Variants in LRRC4C observed in about 807,000 individuals in gnomAD.
LRRC4C encodes the protein leucine-rich repeat-containing protein 4C.
LRRC4C carries 5 observed loss-of-function variants against 33.6 expected under a neutral mutation model. The observed-to-expected ratio is 0.15, with a 90% CI of 0.08 to 0.31. The LOEUF (loss-of-function observed/expected upper bound fraction) is 0.31. Among genes scored for constraint, LRRC4C ranks in the 10% least tolerant of loss-of-function variants. The probability of loss-of-function intolerance (pLI) is 1.00; values close to 1 mark genes in which losing one functional copy is unlikely to be tolerated. For missense variants in LRRC4C, 560 were observed against 796.7 expected, an observed-to-expected ratio of 0.70 and a Z score of 3.58; for synonymous variants, 329 against 302.0, an observed-to-expected ratio of 1.09 and a Z score of -0.93.
At chr11:41,406,527 CA>C (rs778551198) in intron 1 of LRRC4C, among the ~76,000 whole-genome samples, 53 of 152,034 alleles carry the variant, frequency 3.5e-4, no homozygotes, top group Non-Finnish European at 2.4e-4. Flanking sequence ...ACGCAATGTA[CA>C]ATCTGAAGAA....
At chr11:40,404,344 G>T (rs1291778903) in intron 3 of LRRC4C, among the ~76,000 whole-genome samples, 2 of 152,066 alleles carry the variant, frequency 1.3e-5, no homozygotes, top group African/African-American at 4.8e-5. Flanking sequence ...CTAAATAAAG[G>T]TTTGTTATTT....
chr11:41,103,950 C>T (rs1183338054), intron 1 of LRRC4C, among the ~76,000 whole-genome samples: 1 of 151,760 alleles, frequency 6.6e-6, no homozygotes, highest in Non-Finnish European at 1.5e-5. Context: ...AAGGTAGACC[C>T]CTACTTCAAA....
intron 1 of LRRC4C, among the ~76,000 whole-genome samples, chr11:40,940,442 T>G (rs1214947596): frequency 6.6e-6 from 1 of 152,148 alleles, no homozygotes; most frequent in African/African-American, 2.4e-5. Flanking sequence ...TAGAGATATT[T>G]CTTCACTCTG....
chr11:40,722,797 T>C (rs1253804792), intron 2 of LRRC4C, among the ~76,000 whole-genome samples: 1 of 152,156 alleles, frequency 6.6e-6, no homozygotes, highest in Non-Finnish European at 1.5e-5. Context: ...TTCAGAATCT[T>C]GATGGCAAGG....
chr11:40,871,320 C>T (rs999485789), intron 2 of LRRC4C, among the ~76,000 whole-genome samples: 1 of 152,054 alleles, frequency 6.6e-6, no homozygotes, highest in Non-Finnish European at 1.5e-5. Context: ...ACACTCCCTC[C>T]CCTTTTGAAA....
chr11:41,301,018 A>C (rs1044833156), intron 1 of LRRC4C, among the ~76,000 whole-genome samples: 1 of 152,186 alleles, frequency 6.6e-6, no homozygotes, highest in Non-Finnish European at 1.5e-5. Flanking sequence ...TTTTGTTTGG[A>C]TATTAAAACA....
chr11:41,036,317 A>G (rs1180430096), intron 1 of LRRC4C, among the ~76,000 whole-genome samples: 1 of 152,208 alleles, frequency 6.6e-6, no homozygotes, highest in Non-Finnish European at 1.5e-5. Context: ...TCAAGGCATT[A>G]TAGCAGATAA....
At chr11:40,811,643 A>G (rs1403642917) in intron 2 of LRRC4C, among the ~76,000 whole-genome samples, 3 of 152,074 alleles carry the variant, frequency 2.0e-5, no homozygotes, top group Admixed American at 2.0e-4. Flanking sequence ...GACTACAGGC[A>G]CACACCACCA....
chr11:40,381,229 GAA>G (rs149263163), intron 3 of LRRC4C, among the ~76,000 whole-genome samples: 6,606 of 132,090 alleles, frequency 0.05, 474 homozygotes, highest in African/African-American at 0.17. Flanking sequence ...ACTTTAAAAT[GAA>G]AAAAAAAAAA....
intron 1 of LRRC4C, among the ~76,000 whole-genome samples, chr11:40,991,311 G>C (rs188067381): frequency 9.9e-5 from 15 of 151,434 alleles, no homozygotes; most frequent in Admixed American, 7.9e-4. Flanking sequence ...GTATAACTCA[G>C]TGAATCAATA....
intron 3 of LRRC4C, among the ~76,000 whole-genome samples, chr11:40,568,521 CACTA>C (rs1218135100): frequency 1.2e-4 from 19 of 152,186 alleles, no homozygotes; most frequent in African/African-American, 2.9e-4. Context: ...TTTCAAATAG[CACTA>C]ACTAAGTAAC....
At chr11:40,677,807 T>C (rs1944478545) in intron 2 of LRRC4C, among the ~76,000 whole-genome samples, 1 of 152,160 alleles carries the variant, frequency 6.6e-6, no homozygotes, top group African/African-American at 2.4e-5. Context: ...TTTGGGGTGA[T>C]TACAAGGACA....
At chr11:41,382,254 T>G (rs1042138065) in intron 1 of LRRC4C, among the ~76,000 whole-genome samples, 58 of 152,168 alleles carry the variant, frequency 3.8e-4, no homozygotes, top group African/African-American at 1.3e-3. Context: ...ATTACACTGA[T>G]AGTCGGCATT....
chr11:40,978,083 A>G (rs192274205), intron 1 of LRRC4C, among the ~76,000 whole-genome samples: 287 of 152,212 alleles, frequency 1.9e-3, no homozygotes, highest in Middle Eastern at 0.014. Context: ...AAATCTTTCC[A>G]TTTCTCTTTC....
At chr11:40,347,943 T>C (rs1343972596) in intron 3 of LRRC4C, among the ~76,000 whole-genome samples, 3 of 152,190 alleles carry the variant, frequency 2.0e-5, no homozygotes, top group East Asian at 3.9e-4. Flanking sequence ...TGTAGGGTTG[T>C]TTATTGGCCT....
chr11:40,684,780 C>T (rs922895842), intron 2 of LRRC4C, among the ~76,000 whole-genome samples: 2 of 151,864 alleles, frequency 1.3e-5, no homozygotes, highest in African/African-American at 4.8e-5. Flanking sequence ...TGACAACAAA[C>T]TTGTTACCAG....
At chr11:40,767,752 T>C (rs1003083405) in intron 2 of LRRC4C, among the ~76,000 whole-genome samples, 7 of 151,340 alleles carry the variant, frequency 4.6e-5, no homozygotes, top group African/African-American at 1.7e-4. Context: ...AAGAAGAAAA[T>C]GGAAAAATTT....
intron 2 of LRRC4C, among the ~76,000 whole-genome samples, chr11:40,900,866 C>T (rs751642013): frequency 6.6e-6 from 1 of 151,872 alleles, no homozygotes; most frequent in Non-Finnish European, 1.5e-5. Context: ...TTTCTCCCTA[C>T]ATTTACTAAG....
intron 2 of LRRC4C, among the ~76,000 whole-genome samples, chr11:40,661,891 C>T (rs1943458517): frequency 6.6e-6 from 1 of 152,214 alleles, no homozygotes; most frequent in Admixed American, 6.5e-5. Flanking sequence ...CAAATATAAG[C>T]AAATCAGAAC....
Sources: allele counts gnomAD v4.1 joint callset (sites outside exome capture counted in the v4.1 genomes callset), GRCh38; gene constraint gnomAD v4.1.1; transcripts MANE v1.5; gene names NCBI Gene and HGNC (gene_info 2026-07-23, HGNC 2026-07-21).